The following TAPT1 variants were observed in gnomAD, a reference collection of about 807,000 sequenced individuals.
The protein encoded by TAPT1 is transmembrane anterior posterior transformation protein 1 homolog.
In TAPT1, 28 loss-of-function variants were observed where a neutral mutation model predicts 65.6. The ratio of observed to expected loss-of-function variants is 0.43; its 90% CI spans 0.32 to 0.59. The LOEUF (loss-of-function observed/expected upper bound fraction) is 0.59, where lower values mean the gene tolerates loss of function less well. Among genes scored for constraint, TAPT1 ranks in the 20% least tolerant of loss-of-function variants. The pLI, the probability that TAPT1 is intolerant of heterozygous loss-of-function variation, is 0.09. For missense variants in TAPT1, 563 were observed against 679.9 expected, an observed-to-expected ratio of 0.83 and a Z score of 1.91; for synonymous variants, 278 against 245.2, an observed-to-expected ratio of 1.13 and a Z score of -1.25.
intron 3 of TAPT1, among the ~76,000 whole-genome samples, chr4:16,195,211 T>C (rs1266578269): frequency 6.6e-6 from 1 of 152,248 alleles, no homozygotes; most frequent in Non-Finnish European, 1.5e-5. Flanking sequence ...AATCAGTTTA[T>C]TTGTTCCTTC....
Position 16,184,659 on chromosome 4 carries a change from G to C in TAPT1, c.916+1876C>G, listed in dbSNP as rs185069603. Among the ~76,000 whole-genome samples, 679 of 152,314 alleles carry C rather than the reference G, an allele frequency of 4.5e-3. 1 individual carries two copies. Among genetic ancestry groups the C allele is most frequent in the South Asian group, 7.9e-3 (38 of 4,820 alleles). On this transcript the variant is annotated intron_variant, in intron 7 of 13. Transcript: ENST00000405303. The stretch of plus-strand genomic sequence containing the variant: ...TCAGGCTACAAGAGCAGTCACTCTG[G>C]AGGGTGTGCAGTGCTATCTCATTAT...
chr4:16,211,941 G>T (rs534723590), intron 2 of TAPT1, among the ~76,000 whole-genome samples: 1 of 152,250 alleles, frequency 6.6e-6, no homozygotes, highest in African/African-American at 2.4e-5. Flanking sequence ...TTACAACCAT[G>T]AAATGCTTAT....
At position 16,163,085 on chromosome 4, in the gene TAPT1, C is replaced by G. The variant is rs1041059302; in HGVS notation, c.*223G>C. On this transcript the variant is annotated 3_prime_UTR_variant, in exon 14 of 14. Coordinates refer to ENST00000405303, the MANE Select transcript of TAPT1 (RefSeq NM_153365.3). ...GCCAGGCAGGAGGAAGTTTTATAAT[C>G]CATCAAGCTTCCCAGACAGTCAAGG... 1.6e-6 allele frequency: 1 copy of G among 615,268 alleles called. No individual in the cohort carries two copies. Among genetic ancestry groups the G allele is most frequent in the Non-Finnish European group, 3.0e-6 (1 of 329,352 alleles). The allele number at this position is 615,268 out of a possible 1,614,324, so 38.1% of individuals were successfully genotyped here. A position where few individuals can be genotyped will look rare whatever the true frequency, so the allele number is the denominator to read the frequency against.
In TAPT1 at chr4:16,163,447, T is replaced by G. The variant is rs16893137; in HGVS notation, c.1565A>C (p.Asn522Thr). Residue 522 changes from asparagine (N) to threonine (T), a missense_variant, in exon 14 of 14, where the codon AAT becomes ACT. This residue lies in a region of TAPT1 where 136 missense variants were observed against 153.9 expected (regional missense o/e 0.88). Coordinates refer to ENST00000405303, the MANE Select transcript of TAPT1 (RefSeq NM_153365.3). ...TGGAGTTGTCAAAAACTGATCAGAA[T>G]TGCTTGTCACAAGTAATGGTATGAT... ...ENIIPLLVTS[N>T]SDQFLTTPDG... 6.2e-7 allele frequency: 1 copy of G among 1,614,010 alleles called. No individual in the cohort carries two copies. Among genetic ancestry groups the G allele is most frequent in the African/African-American group, 1.3e-5 (1 of 75,060 alleles).
At chr4:16,163,649 C>T (rs1358618977) in intron 13 of TAPT1, 112 bp from the exon 14 acceptor site, 14 of 762,944 alleles carry the variant, frequency 1.8e-5, no homozygotes, top group East Asian at 5.4e-5. Context: ...CCATGCTTTC[C>T]GATAAAGCAA....
At chr4:16,181,230 G>GT (rs1748689695) in intron 7 of TAPT1, among the ~76,000 whole-genome samples, 1 of 152,188 alleles carries the variant, frequency 6.6e-6, no homozygotes, top group Admixed American at 6.5e-5. Context: ...TCACCAAGCT[G>GT]TACCTATATG....
At chr4:16,168,243 G>A (rs1747766631) in intron 12 of TAPT1, among the ~76,000 whole-genome samples, 1 of 151,980 alleles carries the variant, frequency 6.6e-6, no homozygotes, top group Admixed American at 6.6e-5. Flanking sequence ...CTCCTGCACA[G>A]CTGGGACCAC....
chr4:16,200,985 C>T (rs1749993425), intron 3 of TAPT1, among the ~76,000 whole-genome samples: 1 of 151,862 alleles, frequency 6.6e-6, no homozygotes, highest in Admixed American at 6.5e-5. Context: ...ATTTGATTAA[C>T]TTGTGATTAA....
intron 2 of TAPT1, among the ~76,000 whole-genome samples, chr4:16,211,198 TAG>T (rs1232744248): frequency 6.7e-6 from 1 of 149,412 alleles, no homozygotes; most frequent in Non-Finnish European, 1.5e-5. Context: ...CTGAAAAGGT[TAG>T]GTGAAAATAT....
chr4:16,214,401 C>T (rs1247464211), intron 1 of TAPT1: 1 of 152,248 alleles, frequency 6.6e-6, no homozygotes, highest in Non-Finnish European at 1.5e-5. Context: ...CTAAATAATG[C>T]CATTTCCCTA....
intron 8 of TAPT1, chr4:16,179,295 G>T (rs1168380734): frequency 3.5e-6 from 1 of 287,046 alleles, no homozygotes; most frequent in Non-Finnish European, 6.5e-6. Flanking sequence ...TGACACAATG[G>T]TAAGTGTATC....
intron 13 of TAPT1, among the ~76,000 whole-genome samples, chr4:16,166,259 T>C (rs1275539567): frequency 6.6e-6 from 1 of 152,240 alleles, no homozygotes; most frequent in African/African-American, 2.4e-5. Context: ...GTACTTCCCT[T>C]TCCCCGTCCT....
intron 13 of TAPT1, among the ~76,000 whole-genome samples, chr4:16,163,866 C>T (rs1024828673): frequency 2.0e-5 from 3 of 152,278 alleles, no homozygotes; most frequent in South Asian, 4.2e-4. Context: ...TGTTGGCAGT[C>T]CTGAAACATT....
At chr4:16,168,404 ATCT>A (rs1006347844) in intron 12 of TAPT1, among the ~76,000 whole-genome samples, 1 of 152,122 alleles carries the variant, frequency 6.6e-6, no homozygotes, top group Non-Finnish European at 1.5e-5. Context: ...CCACCATGCC[ATCT>A]TCTGCTCAGC....
intron 2 of TAPT1, among the ~76,000 whole-genome samples, chr4:16,212,329 G>C (rs1401419002): frequency 1.3e-5 from 2 of 152,210 alleles, no homozygotes; most frequent in Non-Finnish European, 2.9e-5. Context: ...TCCAAATACA[G>C]GCCCTGGCAG....
chr4:16,194,866 T>TGATTTCCCTCCTCCTCCTCCTCCTCCTC (rs1560172297), intron 3 of TAPT1, among the ~76,000 whole-genome samples: 1 of 18,662 alleles, frequency 5.4e-5, no homozygotes, highest in African/African-American at 1.3e-4. Flanking sequence ...TCTGTCTTCT[T>TGATTTCCCTCCTCCTCCTCCTCCTCCTC]CTTCTTCTTC....
At chr4:16,179,430 G>A in intron 8 of TAPT1, 147 bp downstream of exon 8, 2 of 539,384 alleles carry the variant, frequency 3.7e-6, no homozygotes, top group East Asian at 6.6e-5. Flanking sequence ...GTCATTAAGT[G>A]ACAGATGATT....
At chr4:16,184,288 GGCTTTTCT>G (rs796587448) in intron 7 of TAPT1, among the ~76,000 whole-genome samples, 79 of 152,224 alleles carry the variant, frequency 5.2e-4, no homozygotes, top group African/African-American at 1.8e-3. Flanking sequence ...TTTTGTGTCT[GGCTTTTCT>G]GCTCAACATA....
intron 5 of TAPT1, 40 bp downstream of exon 5, chr4:16,188,180 C>T: frequency 6.4e-7 from 1 of 1,552,596 alleles, no homozygotes; most frequent in South Asian, 1.2e-5. Flanking sequence ...GTAGACTATG[C>T]ATTAACTGTC....
Sources: allele counts gnomAD v4.1 joint callset (sites outside exome capture counted in the v4.1 genomes callset), GRCh38; gene constraint gnomAD v4.1.1; regional missense constraint gnomAD v4.1.1; transcripts MANE v1.5; gene names NCBI Gene and HGNC (gene_info 2026-07-23, HGNC 2026-07-21).